The following GRID2 variants were observed in gnomAD, a reference collection of about 807,000 sequenced individuals.
The protein encoded by GRID2 is glutamate ionotropic receptor delta type subunit 2, also known as glutamate receptor ionotropic, delta-2.
A neutral mutation model predicts 114.8 loss-of-function variants in GRID2; 33 were observed. The ratio of observed to expected loss-of-function variants is 0.29; its 90% CI spans 0.22 to 0.38. The LOEUF is 0.38. Ranked by LOEUF, GRID2 falls within the 10% of genes least tolerant of loss-of-function variation. The pLI is 1.00. For missense variants in GRID2, 1,184 were observed against 1,257.7 expected, an observed-to-expected ratio of 0.94 and a Z score of 0.89; for synonymous variants, 505 against 449.9, an observed-to-expected ratio of 1.12 and a Z score of -1.55.
intron 2 of GRID2, among the ~76,000 whole-genome samples, chr4:92,685,642 G>C (rs902199858): frequency 1.3e-5 from 2 of 151,920 alleles, no homozygotes; most frequent in Non-Finnish European, 2.9e-5. Context: ...TTAAATGACA[G>C]TACACTCATA....
In GRID2 at chr4:92,921,440, T is replaced by C. The variant is rs528519209; in HGVS notation, c.245-163555T>C. On this transcript the variant is annotated intron_variant, in intron 2 of 15. Coordinates refer to ENST00000282020, the MANE Select transcript of GRID2 (RefSeq NM_001510.4). The stretch of plus-strand genomic sequence containing the variant: ...GAGAGGCGCTCTGATTTTTAGAGTT[T>C]CCAGTTTTTCTGCTGTTTTTTCCTC... Among the ~76,000 whole-genome samples, 5 of 152,112 alleles carry C rather than the reference T, an allele frequency of 3.3e-5. No homozygotes were observed. The East Asian group carries it at 9.7e-4, about 30-fold the overall frequency.
At chr4:93,000,937 C>G (rs2149216693) in intron 2 of GRID2, among the ~76,000 whole-genome samples, 1 of 151,170 alleles carries the variant, frequency 6.6e-6, no homozygotes, top group Non-Finnish European at 1.5e-5. Flanking sequence ...TAAATATACC[C>G]TGTGAATCTA....
At chr4:92,457,446 GAATA>G (rs1351281568) in intron 1 of GRID2, among the ~76,000 whole-genome samples, 3 of 152,042 alleles carry the variant, frequency 2.0e-5, no homozygotes, top group African/African-American at 7.2e-5. Flanking sequence ...TAGAATGAAT[GAATA>G]AATATATGAG....
chr4:92,832,782 C>CAAT (rs1211564581), intron 2 of GRID2, among the ~76,000 whole-genome samples: 4 of 151,714 alleles, frequency 2.6e-5, no homozygotes, highest in Admixed American at 6.6e-5. Context: ...GACTCTGTCA[C>CAAT]AATAATAATA....
intron 14 of GRID2, among the ~76,000 whole-genome samples, chr4:93,713,197 G>C: frequency 6.6e-6 from 1 of 152,108 alleles, no homozygotes; most frequent in East Asian, 1.9e-4. Flanking sequence ...AACAGAATGT[G>C]TAATAATCTT....
At chr4:93,623,143 G>A (rs1226538174) in intron 13 of GRID2, among the ~76,000 whole-genome samples, 2 of 151,904 alleles carry the variant, frequency 1.3e-5, no homozygotes, top group African/African-American at 2.4e-5. Context: ...TTTTATGATG[G>A]CAGATGATTC....
chr4:92,813,318 C>A (rs1045225621), intron 2 of GRID2, among the ~76,000 whole-genome samples: 10 of 152,090 alleles, frequency 6.6e-5, no homozygotes, highest in African/African-American at 2.4e-4. Context: ...CTGGTTCAAG[C>A]CCTCTTCCTT....
intron 4 of GRID2, among the ~76,000 whole-genome samples, chr4:93,173,320 T>C (rs1739029945): frequency 6.6e-6 from 1 of 152,148 alleles, no homozygotes; most frequent in East Asian, 1.9e-4. Context: ...GAATTTGTCA[T>C]AGAGCATATT....
chr4:93,175,436 G>T (rs535748814), intron 4 of GRID2, among the ~76,000 whole-genome samples: 1 of 152,186 alleles, frequency 6.6e-6, no homozygotes, highest in South Asian at 2.1e-4. Context: ...CTTCCAAAGT[G>T]CTGGGATTAC....
At chr4:92,985,518 T>C (rs1229358950) in intron 2 of GRID2, among the ~76,000 whole-genome samples, 1 of 152,184 alleles carries the variant, frequency 6.6e-6, no homozygotes, top group Non-Finnish European at 1.5e-5. Context: ...ATTACAGGCG[T>C]AAGCCACCGC....
At position 93,555,098 on chromosome 4, in the gene GRID2, G is replaced by A. The variant is rs527670150; in HGVS notation, c.2193+39687G>A. Among the ~76,000 whole-genome samples, 37 of 152,268 alleles carry A rather than the reference G, an allele frequency of 2.4e-4. 1 individual carries two copies. The South Asian group carries it at 6.2e-3, about 26-fold the overall frequency. On this transcript the variant is annotated intron_variant, in intron 13 of 15. Transcript: ENST00000282020. The stretch of plus-strand genomic sequence containing the variant: ...GGCCCAGATACTATGCTTTTCCCAC[G>A]GTCTTCGCAACCTGCAGACCAGGAG...
At chr4:93,360,546 G>A (rs1326260695) in intron 8 of GRID2, among the ~76,000 whole-genome samples, 3 of 151,722 alleles carry the variant, frequency 2.0e-5, no homozygotes, top group Non-Finnish European at 4.4e-5. Flanking sequence ...TATTTTATCA[G>A]TAGTTTTAAA....
chr4:92,871,314 T>A (rs1412251149), intron 2 of GRID2, among the ~76,000 whole-genome samples: 1 of 140,748 alleles, frequency 7.1e-6, no homozygotes, highest in African/African-American at 2.7e-5. Context: ...CTCTGATTCT[T>A]TTTTTTTCTG....
chr4:92,942,210 CT>C (rs1232200074), intron 2 of GRID2, among the ~76,000 whole-genome samples: 2 of 152,120 alleles, frequency 1.3e-5, no homozygotes, highest in African/African-American at 2.4e-5. Context: ...GTCTAAGTCT[CT>C]TTGTAGGTCA....
intron 14 of GRID2, among the ~76,000 whole-genome samples, chr4:93,709,183 G>A (rs1728271999): frequency 6.6e-6 from 1 of 152,098 alleles, no homozygotes; most frequent in Admixed American, 6.6e-5. Flanking sequence ...TTACTAGGGA[G>A]TTTTGTACAT....
intron 2 of GRID2, among the ~76,000 whole-genome samples, chr4:92,868,734 A>G (rs1745075506): frequency 6.6e-6 from 1 of 151,604 alleles, no homozygotes; most frequent in Non-Finnish European, 1.5e-5. Flanking sequence ...TGTGTGTAGG[A>G]TAATGTTTTA....
chr4:93,599,971 G>C (rs1240219193), intron 13 of GRID2, among the ~76,000 whole-genome samples: 2 of 152,196 alleles, frequency 1.3e-5, no homozygotes, highest in African/African-American at 4.8e-5. Flanking sequence ...GGATAACCCT[G>C]AACTGTGTAT....
chr4:92,399,684 T>TATAC (rs1553931117), intron 1 of GRID2, among the ~76,000 whole-genome samples: 4 of 148,892 alleles, frequency 2.7e-5, no homozygotes, highest in African/African-American at 9.9e-5. Context: ...TATATATATA[T>TATAC]ACATACATGT....
chr4:92,857,848 C>T (rs1276514536), intron 2 of GRID2, among the ~76,000 whole-genome samples: 2 of 152,162 alleles, frequency 1.3e-5, no homozygotes, highest in Non-Finnish European at 2.9e-5. Context: ...CTTCAAAGAA[C>T]AGGCTGACTC....
Sources: gnomAD v4.1 joint callset for allele counts (sites outside exome capture counted in the v4.1 genomes callset) on GRCh38, gnomAD v4.1.1 for gene constraint, MANE v1.5 for transcripts, NCBI Gene and HGNC (gene_info 2026-07-23, HGNC 2026-07-21) for gene names.